The following LHFPL1 variants were observed in gnomAD, a reference collection of about 807,000 sequenced individuals.
LHFPL1 encodes LHFPL tetraspan subfamily member 1 protein.
In LHFPL1, 4 loss-of-function variants were observed where a neutral mutation model predicts 12.1. The observed-to-expected ratio is 0.33, with a 90% CI of 0.16 to 0.76. The LOEUF (loss-of-function observed/expected upper bound fraction) is 0.76, where lower values mean the gene tolerates loss of function less well. LHFPL1 is among the 30% of genes least tolerant of loss of function. The pLI is 0.61. For synonymous variants in LHFPL1, 52 were observed against 61.9 expected (o/e 0.84, Z 0.75); for missense variants, 141 against 174.1 (o/e 0.81, Z 1.07).
intron 3 of LHFPL1, among the ~76,000 whole-genome samples, chrX:112,636,507 C>T (rs973657419): frequency 1.8e-5 from 2 of 111,820 alleles, no homozygotes; most frequent in Non-Finnish European, 3.8e-5. Flanking sequence ...GGAATTTCCT[C>T]CCTTAAGAAC....
At chrX:112,648,428 A>T (rs1186444591) in intron 3 of LHFPL1, among the ~76,000 whole-genome samples, 1 of 111,900 alleles carries the variant, frequency 8.9e-6, no homozygotes, top group Non-Finnish European at 1.9e-5. Context: ...TTCTCTGAAC[A>T]TTGTCACTGA....
chrX:112,633,471 A>G, intron 3 of LHFPL1, among the ~76,000 whole-genome samples: 1 of 112,379 alleles, frequency 8.9e-6, no homozygotes, highest in South Asian at 3.7e-4. Flanking sequence ...TTCTTTACTT[A>G]GTCAATATTT....
intron 3 of LHFPL1, among the ~76,000 whole-genome samples, chrX:112,646,928 G>A: frequency 8.9e-6 from 1 of 112,111 alleles, no homozygotes; most frequent in East Asian, 2.8e-4. Flanking sequence ...CAGTGAGTTA[G>A]AAGATAGGCT....
chrX:112,658,479 C>T (rs1336942720), intron 3 of LHFPL1, among the ~76,000 whole-genome samples: 1 of 106,970 alleles, frequency 9.3e-6, no homozygotes, highest in Non-Finnish European at 1.9e-5. Flanking sequence ...CAAATGATTT[C>T]AATGCACATT....
At chrX:112,660,361 C>A (rs1931143411) in intron 3 of LHFPL1, among the ~76,000 whole-genome samples, 1 of 112,223 alleles carries the variant, frequency 8.9e-6, no homozygotes, top group Non-Finnish European at 1.9e-5. Flanking sequence ...TTGTTAGTCT[C>A]CAAGCATTTT....
chrX:112,672,322 T>C (rs763135493), intron 1 of LHFPL1, among the ~76,000 whole-genome samples: 9 of 111,882 alleles, frequency 8.0e-5, no homozygotes, highest in Non-Finnish European at 1.7e-4. Flanking sequence ...TTGGAACAAG[T>C]AATCTTGTAA....
chrX:112,671,519 C>T, intron 1 of LHFPL1, 115 bp from the exon 2 acceptor site: 1 of 1,168,016 alleles, frequency 8.6e-7, no homozygotes, highest in South Asian at 2.0e-5. Context: ...AATTATGTGC[C>T]ACTTGGTCAT....
At chrX:112,651,084 T>C (rs1394506246) in intron 3 of LHFPL1, among the ~76,000 whole-genome samples, 1 of 112,131 alleles carries the variant, frequency 8.9e-6, no homozygotes, top group African/African-American at 3.2e-5. Flanking sequence ...CTTGTATGTA[T>C]AGTGAGTGCC....
intron 2 of LHFPL1, among the ~76,000 whole-genome samples, chrX:112,665,163 C>T (rs1041052165): frequency 1.8e-5 from 2 of 109,936 alleles, no homozygotes; most frequent in African/African-American, 6.6e-5. Flanking sequence ...ACCACATATG[C>T]CCCTTGAAGA....
intron 2 of LHFPL1, among the ~76,000 whole-genome samples, chrX:112,669,464 G>A (rs1050322250): frequency 8.9e-6 from 1 of 112,371 alleles, no homozygotes; most frequent in Non-Finnish European, 1.9e-5. Context: ...AAACCCATCA[G>A]TGGCTAAACG....
chrX:112,642,035 T>C (rs950285189), intron 3 of LHFPL1, among the ~76,000 whole-genome samples: 9 of 111,261 alleles, frequency 8.1e-5, no homozygotes, highest in Non-Finnish European at 1.1e-4. Flanking sequence ...TTGAAAAAGT[T>C]ATATGACACA....
At chrX:112,660,512 C>T in intron 3 of LHFPL1, 115 bp downstream of exon 3, 1 of 573,463 alleles carries the variant, frequency 1.7e-6, no homozygotes, top group Non-Finnish European at 2.9e-6. Flanking sequence ...CATAAGCTAA[C>T]ACAGTGAGAG....
At chrX:112,632,048 A>G (rs895577607) in intron 3 of LHFPL1, among the ~76,000 whole-genome samples, 1 of 111,808 alleles carries the variant, frequency 8.9e-6, no homozygotes, top group South Asian at 3.8e-4. Flanking sequence ...AGATGAGGCA[A>G]CTGAAAACCA....
chrX:112,675,934 G>A (rs748120593), intron 1 of LHFPL1, among the ~76,000 whole-genome samples: 9 of 112,106 alleles, frequency 8.0e-5, no homozygotes, highest in South Asian at 3.8e-4. Context: ...CTAAATCATC[G>A]ACTTGACTTG....
intron 3 of LHFPL1, among the ~76,000 whole-genome samples, chrX:112,654,856 T>A (rs1186937434): frequency 9.0e-6 from 1 of 111,616 alleles, no homozygotes; most frequent in South Asian, 3.7e-4. Flanking sequence ...TTTTATTATA[T>A]CTCATGGTTT....
At position 112,664,980 on chromosome X, in the gene LHFPL1, T is replaced by C. The variant is rs183061743; in HGVS notation, c.383-4255A>G. On this transcript the variant is annotated intron_variant, in intron 2 of 3. Transcript: ENST00000371968. ...TTAAAAGCACCCTGTAATGTGGACG[T>C]ATCTTGTCCTGGTACCAACATTTAA... 3.6e-5 allele frequency among the ~76,000 whole-genome samples: 4 copies of C among 111,605 alleles called. No homozygotes were observed. The East Asian group carries it at 1.1e-3, about 32-fold the overall frequency.
At chrX:112,663,308 C>T (rs1467232289) in intron 2 of LHFPL1, among the ~76,000 whole-genome samples, 2 of 112,066 alleles carry the variant, frequency 1.8e-5, no homozygotes, top group Admixed American at 9.4e-5. Context: ...GTGTGTATTC[C>T]TTGAAGGCAG....
At chrX:112,643,263 C>G (rs1422134683) in intron 3 of LHFPL1, among the ~76,000 whole-genome samples, 1 of 105,698 alleles carries the variant, frequency 9.5e-6, no homozygotes, top group East Asian at 3.0e-4. Flanking sequence ...CCTGTAATCT[C>G]AGCTACTCAG....
intron 3 of LHFPL1, among the ~76,000 whole-genome samples, chrX:112,659,716 C>G (rs1428982185): frequency 3.6e-5 from 4 of 111,971 alleles, no homozygotes. Flanking sequence ...CAAGTATTTA[C>G]TCATTCTTTT....
Sources: allele counts gnomAD v4.1 joint callset (sites outside exome capture counted in the v4.1 genomes callset), GRCh38; gene constraint gnomAD v4.1.1; transcripts MANE v1.5; gene names NCBI Gene and HGNC (gene_info 2026-07-23, HGNC 2026-07-21).